The following ATP8B4 variants were observed in gnomAD, a reference collection of about 807,000 sequenced individuals.
The protein encoded by ATP8B4 is ATPase phospholipid transporting 8B4 (putative).
Under a neutral mutation model 145.6 loss-of-function variants are expected in ATP8B4, and 133 were observed. That is an observed-to-expected ratio of 0.91 (90% CI 0.79 to 1.05). ATP8B4 has a LOEUF of 1.05. Among genes scored for constraint, ATP8B4 ranks in the 50% least tolerant of loss-of-function variants. The pLI, the probability that ATP8B4 is intolerant of heterozygous loss-of-function variation, is 0.00. For missense variants in ATP8B4, 1,458 were observed against 1,425.2 expected, an observed-to-expected ratio of 1.02 and a Z score of -0.37; for synonymous variants, 507 against 492.9, an observed-to-expected ratio of 1.03 and a Z score of -0.38.
chr15:49,877,314 C>G (rs907340040), intron 24 of ATP8B4, among the ~76,000 whole-genome samples: 3 of 152,126 alleles, frequency 2.0e-5, no homozygotes, highest in African/African-American at 7.2e-5. Context: ...TGCTGATAAC[C>G]ACAGTGAGCA....
intron 2 of ATP8B4, among the ~76,000 whole-genome samples, chr15:50,086,733 A>G (rs1274723252): frequency 1.6e-5 from 1 of 62,390 alleles, no homozygotes; most frequent in Non-Finnish European, 2.5e-5. Flanking sequence ...TAATATAGAG[A>G]TCTATATTTA....
At chr15:50,166,953 T>G (rs1026579180) in intron 1 of ATP8B4, among the ~76,000 whole-genome samples, 2 of 152,166 alleles carry the variant, frequency 1.3e-5, no homozygotes, top group African/African-American at 2.4e-5. Context: ...AAGTGATCCG[T>G]TAATTTGAGA....
At chr15:50,023,779 C>CAAAAAAAAAAAAAAAAACAAAAAA (rs60030651) in intron 6 of ATP8B4, among the ~76,000 whole-genome samples, 1 of 75,056 alleles carries the variant, frequency 1.3e-5, no homozygotes, top group African/African-American at 5.4e-5. Context: ...AGACCAAAGG[C>CAAAAAAAAAAAAAAAAACAAAAAA]AAAAAAAAAA....
intron 13 of ATP8B4, among the ~76,000 whole-genome samples, chr15:49,968,201 G>A (rs1305200341): frequency 6.6e-6 from 1 of 152,218 alleles, no homozygotes; most frequent in Non-Finnish European, 1.5e-5. Context: ...TTGACACTAT[G>A]AAGAAACTGC....
At chr15:50,006,690 T>C (rs948450400) in intron 7 of ATP8B4, among the ~76,000 whole-genome samples, 4 of 152,214 alleles carry the variant, frequency 2.6e-5, no homozygotes, top group Non-Finnish European at 5.9e-5. Context: ...AAGAATGCCT[T>C]GGTTTTAAAA....
At chr15:49,886,057 C>G (rs2036147545) in intron 23 of ATP8B4, 1 of 152,188 alleles carries the variant, frequency 6.6e-6, no homozygotes, top group South Asian at 2.1e-4. Flanking sequence ...CTATACCTCA[C>G]TGCTTCTTAA....
At chr15:49,934,811 C>G (rs983693189) in intron 14 of ATP8B4, among the ~76,000 whole-genome samples, 1 of 152,016 alleles carries the variant, frequency 6.6e-6, no homozygotes, top group South Asian at 2.1e-4. Flanking sequence ...CAGGAGCAAG[C>G]CTACAGAAGG....
intron 2 of ATP8B4, among the ~76,000 whole-genome samples, chr15:50,099,440 C>T (rs1382058776): frequency 1.3e-5 from 2 of 152,038 alleles, no homozygotes; most frequent in Non-Finnish European, 1.5e-5. Context: ...CCACCATGCC[C>T]GGCTACTTTT....
At chr15:50,097,370 G>T (rs1056861248) in intron 2 of ATP8B4, among the ~76,000 whole-genome samples, 1 of 151,822 alleles carries the variant, frequency 6.6e-6, no homozygotes, top group Admixed American at 6.6e-5. Flanking sequence ...AAAAAATACA[G>T]ACTTTATTCC....
chr15:49,919,646 G>A (rs1251604809), intron 18 of ATP8B4, among the ~76,000 whole-genome samples: 2 of 151,990 alleles, frequency 1.3e-5, no homozygotes, highest in Admixed American at 1.3e-4. Flanking sequence ...CTCCATCTCC[G>A]GACCTCGTGA....
intron 1 of ATP8B4, among the ~76,000 whole-genome samples, chr15:50,138,329 G>GGT (rs2044155555): frequency 4.0e-5 from 1 of 25,248 alleles, no homozygotes; most frequent in Non-Finnish European, 2.0e-4. Flanking sequence ...TAGATAGGTA[G>GGT]ATAGATAGAT....
At chr15:50,073,013 T>TACAC (rs2053933557) in intron 3 of ATP8B4, among the ~76,000 whole-genome samples, 19 of 40,590 alleles carry the variant, frequency 4.7e-4, no homozygotes, top group East Asian at 1.8e-3. Flanking sequence ...TATATATATA[T>TACAC]ATATATACAC....
chr15:50,063,243 G>A (rs922985886), intron 3 of ATP8B4, among the ~76,000 whole-genome samples: 1 of 152,080 alleles, frequency 6.6e-6, no homozygotes, highest in African/African-American at 2.4e-5. Context: ...CAACCTATAG[G>A]GAGGTCTCTA....
At position 49,861,469 on chromosome 15, in the gene ATP8B4, T is replaced by C. The variant is rs62020394; in HGVS notation, c.3297+776A>G. On this transcript the variant is annotated intron_variant, in intron 27 of 27. Transcript: ENST00000284509. ...GTCTGTCTGTCTATCTATCTATCTA[T>C]CTATCTACCTACCTACCTACCTACC... is the stretch of plus-strand genomic sequence containing the variant. Among the ~76,000 whole-genome samples the C allele has an allele frequency of 8.2e-4, 118 of 143,540 alleles. 1 individual carries two copies. The highest frequency in any genetic ancestry group is 1.7e-3 in the African/African-American group (65 of 38,842). The allele number at this position is 143,540 out of a possible 152,430, so 94.2% of individuals were successfully genotyped here.
intron 9 of ATP8B4, among the ~76,000 whole-genome samples, chr15:49,996,143 T>G (rs2047407529): frequency 6.6e-6 from 1 of 152,076 alleles, no homozygotes; most frequent in Non-Finnish European, 1.5e-5. Context: ...TGGTCTAAAA[T>G]AAAAGTCAAC....
intron 25 of ATP8B4, among the ~76,000 whole-genome samples, chr15:49,873,298 G>A (rs561378013): frequency 6.6e-6 from 1 of 152,248 alleles, no homozygotes; most frequent in African/African-American, 2.4e-5. Flanking sequence ...GATAACCTTA[G>A]AAAATAACTA....
intron 16 of ATP8B4, among the ~76,000 whole-genome samples, chr15:49,929,382 T>C (rs911902041): frequency 6.6e-6 from 1 of 152,086 alleles, no homozygotes; most frequent in African/African-American, 2.4e-5. Flanking sequence ...TGGACAAGCA[T>C]ACAATGAGAG....
At chr15:50,057,076 C>T (rs1217535037) in intron 3 of ATP8B4, among the ~76,000 whole-genome samples, 1 of 152,072 alleles carries the variant, frequency 6.6e-6, no homozygotes, top group African/African-American at 2.4e-5. Context: ...ACTTTGAAAA[C>T]TGTGGACTAA....
intron 6 of ATP8B4, among the ~76,000 whole-genome samples, chr15:50,038,201 T>C (rs1443321976): frequency 6.6e-6 from 1 of 151,602 alleles, no homozygotes; most frequent in African/African-American, 2.4e-5. Context: ...TTGCAGTCGT[T>C]TGTGGATAAA....
Sources: gnomAD v4.1 joint callset for allele counts (sites outside exome capture counted in the v4.1 genomes callset) on GRCh38, gnomAD v4.1.1 for gene constraint, MANE v1.5 for transcripts, NCBI Gene and HGNC (gene_info 2026-07-23, HGNC 2026-07-21) for gene names.